The following KALRN variants were observed in gnomAD, a reference collection of about 807,000 sequenced individuals.
The protein encoded by KALRN is kalirin.
Under a neutral mutation model 353.7 loss-of-function variants are expected in KALRN, and 70 were observed. The observed-to-expected ratio is 0.20, with a 90% CI of 0.16 to 0.24. The LOEUF (loss-of-function observed/expected upper bound fraction) is 0.24. KALRN is among the 10% of genes least tolerant of loss of function. The probability of loss-of-function intolerance (pLI) is 1.00; values close to 1 mark genes in which losing one functional copy is unlikely to be tolerated. For missense variants in KALRN, 2,791 were observed against 3,756.7 expected (o/e 0.74, Z 6.72); for synonymous variants, 1,391 against 1,434.8 (o/e 0.97, Z 0.69).
chr3:124,193,115 A>G (rs1013095337), intron 1 of KALRN, among the ~76,000 whole-genome samples: 7 of 152,162 alleles, frequency 4.6e-5, no homozygotes, highest in African/African-American at 1.4e-4. Context: ...CTTCAGATCC[A>G]TCCCAACTTC....
chr3:124,476,196 G>A (rs1299445605), intron 26 of KALRN, among the ~76,000 whole-genome samples: 1 of 151,830 alleles, frequency 6.6e-6, no homozygotes, highest in Non-Finnish European at 1.5e-5. Flanking sequence ...GAAATGAAGG[G>A]TAGAAGAAGT....
intron 1 of KALRN, among the ~76,000 whole-genome samples, chr3:124,130,054 C>T (rs1347431262): frequency 2.0e-5 from 3 of 152,152 alleles, no homozygotes; most frequent in South Asian, 4.1e-4. Context: ...ACTCACTTAC[C>T]TATTTTGGGG....
intron 1 of KALRN, among the ~76,000 whole-genome samples, chr3:124,169,904 G>A (rs1297239802): frequency 6.6e-6 from 1 of 152,158 alleles, no homozygotes; most frequent in Non-Finnish European, 1.5e-5. Context: ...GGAAACTAGA[G>A]AAGGAAGTAA....
chr3:124,378,255 C>G (rs1371622507), intron 10 of KALRN, among the ~76,000 whole-genome samples: 1 of 151,930 alleles, frequency 6.6e-6, no homozygotes, highest in Non-Finnish European at 1.5e-5. Context: ...TAACTTATCA[C>G]AGTTTACCTT....
intron 49 of KALRN, chr3:124,677,445 A>G (rs1243583476): frequency 2.8e-6 from 1 of 362,996 alleles, no homozygotes; most frequent in South Asian, 2.2e-5. Context: ...TGAAAGGCCT[A>G]TTGAAAAGCC....
chr3:124,589,526 A>G (rs1429902060), intron 34 of KALRN, among the ~76,000 whole-genome samples: 1 of 152,174 alleles, frequency 6.6e-6, no homozygotes, highest in Non-Finnish European at 1.5e-5. Flanking sequence ...CCATGAATTC[A>G]AGTTTGCAGT....
intron 34 of KALRN, among the ~76,000 whole-genome samples, chr3:124,593,088 G>T (rs2651626): frequency 0.13 from 19,490 of 151,994 alleles, 2,810 homozygotes; most frequent in East Asian, 0.42. Flanking sequence ...ACAGCATCTG[G>T]TGTGTCATCA....
Position 124,422,928 on chromosome 3 carries a change from C to T in KALRN, c.2659C>T (p.Arg887Trp), listed in dbSNP as rs779118555. 27 of 1,613,636 alleles carry T rather than the reference C, an allele frequency of 1.7e-5. No individual in the cohort carries two copies. The highest frequency in any genetic ancestry group is 1.0e-4 in the Admixed American group (6 of 59,960). ...LELNAEQTHK[R>W]LEQCLQLRHL... ...GCTCAATGCAGAGCAGACTCATAAG[C>T]GGCTAGAGCAGTGCCTCCAATTACG... Residue 887 changes from arginine to tryptophan, a missense_variant, in exon 15 of 60, where the codon CGG becomes TGG. By Grantham distance (101) the Arg-to-Trp change is moderately radical. This residue lies in a region of KALRN where 452 missense variants were observed against 575.8 expected (regional missense o/e 0.78). Coordinates refer to ENST00000682506, the MANE Select transcript of KALRN (RefSeq NM_001388419.1).
At chr3:124,696,330 G>T in intron 54 of KALRN, 75 bp downstream of exon 54, 1 of 1,434,114 alleles carries the variant, frequency 7.0e-7, no homozygotes, top group South Asian at 1.3e-5. Context: ...TGCTGCCCAG[G>T]CATGATCTCT....
intron 34 of KALRN, among the ~76,000 whole-genome samples, chr3:124,627,908 T>G (rs1561461832): frequency 6.6e-6 from 1 of 152,214 alleles, no homozygotes; most frequent in Non-Finnish European, 1.5e-5. Context: ...ATAGCAACGC[T>G]GTGAGTTATC....
At chr3:124,233,550 G>A (rs1037830683) in intron 2 of KALRN, among the ~76,000 whole-genome samples, 1 of 152,162 alleles carries the variant, frequency 6.6e-6, no homozygotes, top group Non-Finnish European at 1.5e-5. Context: ...CTGATCTTAT[G>A]TAATCCTTTT....
chr3:124,073,626 A>C (rs1393758766), intron 1 of KALRN, among the ~76,000 whole-genome samples: 1 of 152,200 alleles, frequency 6.6e-6, no homozygotes, highest in Non-Finnish European at 1.5e-5. Context: ...AGTACTAGCT[A>C]ATATCAATGG....
intron 10 of KALRN, among the ~76,000 whole-genome samples, chr3:124,382,145 A>G (rs946464562): frequency 6.6e-6 from 1 of 152,234 alleles, no homozygotes; most frequent in Non-Finnish European, 1.5e-5. Context: ...TAAAATGGGT[A>G]TGATGGCTGC....
chr3:124,411,201 G>A (rs565181785), intron 13 of KALRN, among the ~76,000 whole-genome samples: 10 of 152,204 alleles, frequency 6.6e-5, no homozygotes, highest in African/African-American at 2.4e-4. Context: ...GGTTGGGAAG[G>A]GGAGGGATGG....
chr3:124,426,256 T>A (rs575576093), intron 15 of KALRN, among the ~76,000 whole-genome samples: 1 of 152,224 alleles, frequency 6.6e-6, no homozygotes, highest in East Asian at 1.9e-4. Flanking sequence ...TGTTGACTCT[T>A]GGAAAAAGGG....
intron 25 of KALRN, among the ~76,000 whole-genome samples, chr3:124,468,646 G>GT (rs563559453): frequency 6.6e-6 from 1 of 152,176 alleles, no homozygotes; most frequent in Non-Finnish European, 1.5e-5. Context: ...AGATAATCTA[G>GT]TTCTCCCTTG....
At chr3:124,140,870 T>A (rs991211544) in intron 1 of KALRN, among the ~76,000 whole-genome samples, 2 of 152,322 alleles carry the variant, frequency 1.3e-5, no homozygotes. Context: ...TTCCCCAGCC[T>A]CAGGTTTCCT....
intron 1 of KALRN, among the ~76,000 whole-genome samples, chr3:124,143,711 TAGAC>T (rs1175717096): frequency 6.6e-6 from 1 of 152,136 alleles, no homozygotes; most frequent in African/African-American, 2.4e-5. Context: ...CATCTATACA[TAGAC>T]AGGCAGGACA....
chr3:124,712,656 G>GAA (rs33926628), intron 57 of KALRN, among the ~76,000 whole-genome samples: 2,592 of 91,568 alleles, frequency 0.028, 137 homozygotes, highest in African/African-American at 0.089. Context: ...CCCTGTCTCA[G>GAA]AAAAAAAAAA....
Sources: gnomAD v4.1 joint callset for allele counts (sites outside exome capture counted in the v4.1 genomes callset) on GRCh38, gnomAD v4.1.1 for gene constraint, gnomAD v4.1.1 regional missense constraint, MANE v1.5 for transcripts, NCBI Gene and HGNC (gene_info 2026-07-23, HGNC 2026-07-21) for gene names.